The following PTPRC variants were observed in gnomAD, a reference collection of about 807,000 sequenced individuals.
PTPRC encodes receptor-type tyrosine-protein phosphatase C.
In PTPRC, 44 loss-of-function variants were observed where a neutral mutation model predicts 155.9. The ratio of observed to expected loss-of-function variants is 0.28; its 90% CI spans 0.22 to 0.36. The LOEUF is 0.36. Ranked by LOEUF, PTPRC falls within the 10% of genes least tolerant of loss-of-function variation. PTPRC has a pLI of 1.00. For synonymous variants in PTPRC, 525 were observed against 533.1 expected (o/e 0.98, Z 0.21); for missense variants, 1,401 against 1,564.6 (o/e 0.90, Z 1.76).
chr1:198,728,285 A>G, intron 15 of PTPRC, 55 bp from the exon 16 acceptor site: 1 of 1,388,144 alleles, frequency 7.2e-7, no homozygotes, highest in Admixed American at 1.7e-5. Flanking sequence ...TTATTCAACC[A>G]GTCTAGCAAG....
intron 2 of PTPRC, among the ~76,000 whole-genome samples, chr1:198,686,922 T>C (rs1665655283): frequency 6.6e-6 from 1 of 152,252 alleles, no homozygotes; most frequent in Admixed American, 6.5e-5. Context: ...ACAAGCACAG[T>C]AATATTTAAC....
intron 3 of PTPRC, chr1:198,692,838 A>AGATATTTTTAAAT (rs1176421440): frequency 1.1e-6 from 1 of 900,174 alleles, no homozygotes; most frequent in Non-Finnish European, 1.3e-6. Flanking sequence ...GAGACTATTG[A>AGATATTTTTAAAT]GATATTTTTA....
At chr1:198,704,107 G>A (rs1006418363) in intron 7 of PTPRC, among the ~76,000 whole-genome samples, 1 of 151,974 alleles carries the variant, frequency 6.6e-6, no homozygotes, top group Non-Finnish European at 1.5e-5. Flanking sequence ...TACTATGGGG[G>A]TTATAATTAT....
chr1:198,706,039 T>C (rs1375111891), intron 8 of PTPRC, among the ~76,000 whole-genome samples: 1 of 152,252 alleles, frequency 6.6e-6, no homozygotes, highest in Non-Finnish European at 1.5e-5. Context: ...AAGCTGATTA[T>C]ATCTAACTTG....
intron 29 of PTPRC, among the ~76,000 whole-genome samples, chr1:198,751,356 TCA>T (rs1655373786): frequency 6.6e-6 from 1 of 151,810 alleles, no homozygotes. Flanking sequence ...GTGGTAGATC[TCA>T]CTCAGCTTTA....
chr1:198,731,167 T>C (rs1367142174), intron 17 of PTPRC, among the ~76,000 whole-genome samples: 1 of 152,118 alleles, frequency 6.6e-6, no homozygotes, highest in African/African-American at 2.4e-5. Context: ...CAAATTAAGC[T>C]GAGTCATGGG....
intron 5 of PTPRC, among the ~76,000 whole-genome samples, chr1:198,700,378 G>A (rs1340582039): frequency 1.3e-5 from 2 of 152,204 alleles, no homozygotes; most frequent in Non-Finnish European, 2.9e-5. Context: ...GTGCTTGAAA[G>A]TTAAAGATAT....
intron 2 of PTPRC, among the ~76,000 whole-genome samples, chr1:198,656,708 C>G (rs1201538356): frequency 6.9e-6 from 1 of 144,722 alleles, no homozygotes; most frequent in South Asian, 2.1e-4. Flanking sequence ...GTTTACTGAT[C>G]TGTAGTTTTA....
chr1:198,718,901 C>T (rs558785102), intron 14 of PTPRC, among the ~76,000 whole-genome samples: 17 of 152,204 alleles, frequency 1.1e-4, no homozygotes, highest in African/African-American at 3.9e-4. Context: ...CACTATATCA[C>T]ACACACCTTT....
chr1:198,752,645 G>A lies in PTPRC; in HGVS notation c.3382G>A (p.Glu1128Lys), dbSNP rs760015972. The A allele has an allele frequency of 2.5e-6, 4 of 1,612,826 alleles. No homozygotes were observed. In the East Asian group the frequency reaches 6.7e-5, roughly 27 times the overall value. ...GTACCAATATACAAACTGGAGTGTG[G>A]AGCAGCTTCCTGCAGAACCCAAGGA... is the stretch of plus-strand genomic sequence containing the variant. ...YQYQYTNWSV[E>K]QLPAEPKELI... Residue 1128 changes from glutamate (E) to lysine (K), a missense_variant, in exon 31 of 33, where the codon GAG becomes AAG. Glu to Lys is a moderately conservative substitution (Grantham distance 56). Around this residue, in one of 3 missense-constraint regions of PTPRC, gnomAD observed 400 missense variants for 389.5 expected, o/e 1.03. Coordinates refer to ENST00000442510, the MANE Select transcript of PTPRC (RefSeq NM_002838.5).
intron 2 of PTPRC, among the ~76,000 whole-genome samples, chr1:198,663,401 T>C (rs1464203026): frequency 6.6e-6 from 1 of 152,132 alleles, no homozygotes; most frequent in Admixed American, 6.6e-5. Flanking sequence ...AGCTTTAAGC[T>C]TCATGAAAAG....
intron 15 of PTPRC, among the ~76,000 whole-genome samples, chr1:198,725,468 C>T (rs1003299756): frequency 1.3e-5 from 2 of 152,106 alleles, no homozygotes; most frequent in African/African-American, 4.8e-5. Flanking sequence ...AATTAATCTC[C>T]AGAATTACCC....
chr1:198,736,775 A>G (rs1022707765), intron 23 of PTPRC, among the ~76,000 whole-genome samples: 2 of 151,704 alleles, frequency 1.3e-5, no homozygotes, highest in African/African-American at 4.8e-5. Flanking sequence ...ACAGTTCTAC[A>G]TAGTTGTTGT....
chr1:198,702,958 A>G (rs1281232148), intron 6 of PTPRC, among the ~76,000 whole-genome samples: 1 of 152,212 alleles, frequency 6.6e-6, no homozygotes, highest in Non-Finnish European at 1.5e-5. Context: ...GGTATGTAAT[A>G]AATATTTTAA....
intron 2 of PTPRC, chr1:198,680,027 T>C (rs1665217891): frequency 3.7e-6 from 2 of 541,588 alleles, no homozygotes; most frequent in East Asian, 3.4e-5. Context: ...GACCGCTTGC[T>C]GAGGTCCCTG....
intron 3 of PTPRC, 132 bp downstream of exon 3, chr1:198,692,505 G>T: frequency 9.0e-7 from 1 of 1,109,556 alleles, no homozygotes; most frequent in South Asian, 3.3e-5. Context: ...AGTGATTCTT[G>T]ACATTCACTT....
chr1:198,693,302 TTTTACAGCG>T (rs766689602), intron 3 of PTPRC: 51 of 326,872 alleles, frequency 1.6e-4, no homozygotes, highest in Non-Finnish European at 2.1e-4. Context: ...TCTAACACAA[TTTTACAGCG>T]TTTAGCATGG....
intron 2 of PTPRC, among the ~76,000 whole-genome samples, chr1:198,663,498 T>C (rs1340883712): frequency 6.6e-6 from 1 of 152,206 alleles, no homozygotes; most frequent in African/African-American, 2.4e-5. Flanking sequence ...CTTCTGGAAG[T>C]AGTTGAAGAA....
chr1:198,754,287 G>T lies in PTPRC; in HGVS notation c.3528G>T (p.Thr1176=). ...TTTATAGGGATGGATCTCAGCAAAC[G>T]GGAATATTTTGTGCTTTGTTAAATC... is the stretch of plus-strand genomic sequence containing the variant. ...LIHCRDGSQQ[T]GIFCALLNLL... is the part of the protein sequence containing the mutation. Residue 1176 remains threonine (T), a synonymous_variant, in exon 32 of 33, where the codon ACG becomes ACT. Transcript: ENST00000442510. 1 of 1,610,780 alleles carries T rather than the reference G, an allele frequency of 6.2e-7. No homozygotes were observed. The highest frequency in any genetic ancestry group is 1.1e-5 in the South Asian group (1 of 91,012).
Sources: gnomAD v4.1 joint callset for allele counts (sites outside exome capture counted in the v4.1 genomes callset) on GRCh38, gnomAD v4.1.1 for gene constraint, gnomAD v4.1.1 regional missense constraint, MANE v1.5 for transcripts, NCBI Gene and HGNC (gene_info 2026-07-23, HGNC 2026-07-21) for gene names.